The following PLPPR1 variants were observed in gnomAD, a reference collection of about 807,000 sequenced individuals.
PLPPR1 encodes the protein phospholipid phosphatase-related protein type 1.
A neutral mutation model predicts 33.1 loss-of-function variants in PLPPR1; 10 were observed. The observed-to-expected ratio is 0.30, with a 90% CI of 0.19 to 0.51. The LOEUF (loss-of-function observed/expected upper bound fraction) is 0.51, where lower values mean the gene tolerates loss of function less well. Ranked by LOEUF, PLPPR1 falls within the 20% of genes least tolerant of loss-of-function variation. The pLI, the probability that PLPPR1 is intolerant of heterozygous loss-of-function variation, is 0.97. For synonymous variants in PLPPR1, 151 were observed against 151.0 expected, an observed-to-expected ratio of 1.00 and a Z score of 0.00; for missense variants, 304 against 408.1, an observed-to-expected ratio of 0.74 and a Z score of 2.20.
At chr9:101,155,140 T>G (rs72741443) in intron 1 of PLPPR1, among the ~76,000 whole-genome samples, 23,111 of 152,104 alleles carry the variant, frequency 0.15, 2,117 homozygotes, top group Non-Finnish European at 0.2. Context: ...ATTGTCTAAC[T>G]GTCAGGAAAC....
At chr9:101,261,671 A>G (rs1827901345) in intron 2 of PLPPR1, among the ~76,000 whole-genome samples, 1 of 152,224 alleles carries the variant, frequency 6.6e-6, no homozygotes, top group Admixed American at 6.5e-5. Flanking sequence ...CATCCATAAA[A>G]AAGAATGAGA....
At chr9:101,149,451 G>T (rs1831557233) in intron 1 of PLPPR1, among the ~76,000 whole-genome samples, 1 of 152,174 alleles carries the variant, frequency 6.6e-6, no homozygotes, top group African/African-American at 2.4e-5. Context: ...GGGTACCCAT[G>T]TGTGCACCAG....
intron 1 of PLPPR1, among the ~76,000 whole-genome samples, chr9:101,183,649 G>T (rs1188116627): frequency 1.3e-5 from 2 of 151,116 alleles, no homozygotes; most frequent in African/African-American, 4.9e-5. Context: ...TGAGTGAATT[G>T]GTATATATAA....
At chr9:101,297,075 C>T (rs555731434) in intron 4 of PLPPR1, among the ~76,000 whole-genome samples, 2 of 152,120 alleles carry the variant, frequency 1.3e-5, no homozygotes, top group Non-Finnish European at 2.9e-5. Flanking sequence ...AAGGGAAACA[C>T]ACTAAAAATT....
Position 101,163,537 on chromosome 9 carries a change from A to C in PLPPR1, c.-45-21913A>C, listed in dbSNP as rs1825801117. Reference sequence around the variant, plus strand: ...CTTTTTCATCTAGGTGCAAAGTTACATACATGTGCTCAGGTGATGGGGTTG... The same window carrying C: ...CTTTTTCATCTAGGTGCAAAGTTACCTACATGTGCTCAGGTGATGGGGTTG... On this transcript the variant is annotated intron_variant, in intron 1 of 7. Transcript: ENST00000374874. 3.9e-5 allele frequency among the ~76,000 whole-genome samples: 6 copies of C among 152,258 alleles called. No homozygotes were observed. The South Asian group carries it at 1.2e-3, about 32-fold the overall frequency.
At chr9:101,135,992 A>G (rs1027824071) in intron 1 of PLPPR1, among the ~76,000 whole-genome samples, 1 of 152,190 alleles carries the variant, frequency 6.6e-6, no homozygotes. Flanking sequence ...AAAAGCAGAT[A>G]GTGTGTTCCG....
At chr9:101,197,700 T>A (rs1826422793) in intron 2 of PLPPR1, among the ~76,000 whole-genome samples, 1 of 152,214 alleles carries the variant, frequency 6.6e-6, no homozygotes, top group Non-Finnish European at 1.5e-5. Flanking sequence ...AAAAACACAT[T>A]TTCTGCGTTG....
intron 1 of PLPPR1, among the ~76,000 whole-genome samples, chr9:101,037,152 C>T (rs1375574339): frequency 6.6e-6 from 1 of 152,090 alleles, no homozygotes; most frequent in Non-Finnish European, 1.5e-5. Flanking sequence ...GTTATTTCCT[C>T]ATTATACGGT....
chr9:101,181,642 G>GTGTATT (rs1338682290), intron 1 of PLPPR1, among the ~76,000 whole-genome samples: 4 of 148,080 alleles, frequency 2.7e-5, no homozygotes, highest in Non-Finnish European at 4.5e-5. Flanking sequence ...GTATGTGTAT[G>GTGTATT]TATATACATG....
chr9:101,154,909 A>G (rs1446889785), intron 1 of PLPPR1, among the ~76,000 whole-genome samples: 2 of 144,700 alleles, frequency 1.4e-5, no homozygotes, highest in Admixed American at 7.3e-5. Flanking sequence ...GGAATTGAAC[A>G]AAGAGAACAC....
intron 1 of PLPPR1, among the ~76,000 whole-genome samples, chr9:101,056,432 A>G (rs1385409143): frequency 6.6e-6 from 1 of 152,194 alleles, no homozygotes; most frequent in Non-Finnish European, 1.5e-5. Context: ...AATTAAAAAA[A>G]AAATCAAAGA....
chr9:101,045,112 A>G (rs1830128849), intron 1 of PLPPR1, among the ~76,000 whole-genome samples: 1 of 152,220 alleles, frequency 6.6e-6, no homozygotes, highest in African/African-American at 2.4e-5. Flanking sequence ...AGAAGCACCA[A>G]GGTCTTGCCA....
At chr9:101,155,548 G>A (rs1831669986) in intron 1 of PLPPR1, among the ~76,000 whole-genome samples, 1 of 151,548 alleles carries the variant, frequency 6.6e-6, no homozygotes, top group African/African-American at 2.4e-5. Context: ...CCTCTTAAAG[G>A]CCCTACCTCT....
intron 2 of PLPPR1, among the ~76,000 whole-genome samples, chr9:101,227,541 G>A (rs1188030749): frequency 6.6e-6 from 1 of 152,048 alleles, no homozygotes; most frequent in Non-Finnish European, 1.5e-5. Flanking sequence ...GTAGATTCTG[G>A]ACATTAGATT....
chr9:101,111,039 G>T (rs1831049329), intron 1 of PLPPR1, among the ~76,000 whole-genome samples: 1 of 152,104 alleles, frequency 6.6e-6, no homozygotes, highest in Non-Finnish European at 1.5e-5. Context: ...TAAAAATAAT[G>T]TCATAAAGGA....
At chr9:101,082,617 G>C (rs1216143163) in intron 1 of PLPPR1, among the ~76,000 whole-genome samples, 1 of 152,130 alleles carries the variant, frequency 6.6e-6, no homozygotes, top group Non-Finnish European at 1.5e-5. Flanking sequence ...TTACTAGTTT[G>C]CACTGGAAGC....
At chr9:101,184,454 AC>A (rs1826170929) in intron 1 of PLPPR1, among the ~76,000 whole-genome samples, 1 of 152,092 alleles carries the variant, frequency 6.6e-6, no homozygotes. Flanking sequence ...ATTCAAATAG[AC>A]TGGTACTTCC....
At chr9:101,193,446 A>G (rs1250556108) in intron 2 of PLPPR1, among the ~76,000 whole-genome samples, 3 of 152,220 alleles carry the variant, frequency 2.0e-5, no homozygotes, top group Non-Finnish European at 4.4e-5. Flanking sequence ...AGTAATCTAT[A>G]AAATGGTAAT....
intron 4 of PLPPR1, among the ~76,000 whole-genome samples, chr9:101,291,149 C>T (rs568789314): frequency 1.3e-5 from 2 of 152,352 alleles, no homozygotes; most frequent in Admixed American, 1.3e-4. Flanking sequence ...CCTCACATGG[C>T]TCGGAGGGTC....
Sources: gnomAD v4.1 joint callset for allele counts (sites outside exome capture counted in the v4.1 genomes callset) on GRCh38, gnomAD v4.1.1 for gene constraint, MANE v1.5 for transcripts, NCBI Gene and HGNC (gene_info 2026-07-23, HGNC 2026-07-21) for gene names.